Variants in TYW1B observed in about 807,000 individuals in gnomAD.
TYW1B encodes the protein S-adenosyl-L-methionine-dependent tRNA 4-demethylwyosine synthase TYW1B.
In TYW1B, 73 loss-of-function variants were observed where a neutral mutation model predicts 86.9. The observed-to-expected ratio is 0.84, with a 90% confidence interval of 0.70 to 1.02. TYW1B has a LOEUF of 1.02. Ranked by LOEUF, TYW1B falls within the 50% of genes least tolerant of loss-of-function variation. The pLI is 0.00. For missense variants in TYW1B, 637 were observed against 827.4 expected (o/e 0.77, Z 2.82); for synonymous variants, 248 against 292.8 (o/e 0.85, Z 1.56).
chr7:72,582,414 C>T (rs564636907), intron 13 of TYW1B, among the ~76,000 whole-genome samples: 7 of 152,290 alleles, frequency 4.6e-5, no homozygotes, highest in Non-Finnish European at 8.8e-5. Flanking sequence ...AGCTGAAAGA[C>T]AGTAGGTCCA....
At chr7:72,696,098 C>T (rs1164375467) in intron 10 of TYW1B, among the ~76,000 whole-genome samples, 1 of 152,002 alleles carries the variant, frequency 6.6e-6, no homozygotes, top group African/African-American at 2.4e-5. Context: ...CAGGTGTACC[C>T]TGCCACATCC....
chr7:72,698,624 C>T (rs1371378875), intron 10 of TYW1B, among the ~76,000 whole-genome samples: 4 of 142,312 alleles, frequency 2.8e-5, no homozygotes, highest in Admixed American at 2.2e-4. Context: ...CCAGCCTGGG[C>T]AACAGAGCAA....
chr7:72,582,205 G>A (rs1164785226), intron 13 of TYW1B, among the ~76,000 whole-genome samples: 2 of 151,900 alleles, frequency 1.3e-5, no homozygotes, highest in African/African-American at 4.8e-5. Flanking sequence ...AATAATTCTG[G>A]AAATGTTAAG....
chr7:72,784,994 C>T (rs1428055068), intron 6 of TYW1B, among the ~76,000 whole-genome samples: 2 of 151,968 alleles, frequency 1.3e-5, no homozygotes, highest in East Asian at 1.9e-4. Context: ...ATCCCTACCC[C>T]CCAGTCAACT....
At chr7:72,676,581 G>A (rs1332935066) in intron 11 of TYW1B, among the ~76,000 whole-genome samples, 4 of 152,146 alleles carry the variant, frequency 2.6e-5, no homozygotes, top group Admixed American at 1.3e-4. Flanking sequence ...TGGAAGAGCA[G>A]CAGCCCTGGG....
chr7:72,827,011 T>A (rs1554481565), intron 1 of TYW1B, 26 bp from the exon 2 acceptor site: 1 of 1,587,128 alleles, frequency 6.3e-7, no homozygotes, highest in Non-Finnish European at 8.6e-7. Flanking sequence ...CACACACAGA[T>A]AATTTCATTT....
In TYW1B at chr7:72,682,437, G is replaced by A. The variant is rs1813898554; in HGVS notation, c.1506+12250C>T. On this transcript the variant is annotated intron_variant, in intron 11 of 13. Coordinates refer to ENST00000620995, the MANE Select transcript of TYW1B (RefSeq NM_001145440.3). ...AAACAACTGGGCTAGGAAAGAACCA[G>A]AAAATATACATAAGAATTTTTATAT... Among the ~76,000 whole-genome samples the A allele has an allele frequency of 2.0e-5, 3 of 152,126 alleles. No homozygotes were observed. In the South Asian group the frequency reaches 6.2e-4, roughly 32 times the overall value.
chr7:72,671,278 G>T (rs1442831504), intron 11 of TYW1B, among the ~76,000 whole-genome samples: 8 of 152,066 alleles, frequency 5.3e-5, no homozygotes, highest in Non-Finnish European at 7.4e-5. Flanking sequence ...CTCAGAAAAG[G>T]TACAAGGAAG....
In TYW1B at chr7:72,744,518, A is replaced by C. The variant is rs782291559; in HGVS notation, c.1048T>G (p.Leu350Val). ...AAGACACATTTATTAGCACACGCCA[A>C]GCTCGGGGTGGTTTCCATGCAGCGA... Reference protein sequence around the residue: ...SHRCMETTPSLACANKCVFCW... With the variant: ...SHRCMETTPSVACANKCVFCW... The change falls in exon 8 of 14, where the codon TTG (leucine) becomes GTG (valine). Residue 350 changes from leucine (L) to valine (V), a missense_variant. Physicochemically the swap from Leu to Val is conservative, Grantham distance 32. Transcript: ENST00000620995. The C allele has an allele frequency of 6.3e-7, 1 of 1,598,292 alleles. No individual in the cohort carries two copies. The highest frequency in any genetic ancestry group is 1.4e-5 in the African/African-American group (1 of 70,026).
intron 8 of TYW1B, among the ~76,000 whole-genome samples, chr7:72,740,190 A>G (rs1248346298): frequency 6.6e-6 from 1 of 151,696 alleles, no homozygotes; most frequent in African/African-American, 2.4e-5. Flanking sequence ...CCGAGATTGC[A>G]CCACTGCACT....
intron 11 of TYW1B, among the ~76,000 whole-genome samples, chr7:72,647,542 C>T (rs1418497025): frequency 3.9e-5 from 6 of 152,160 alleles, no homozygotes; most frequent in African/African-American, 1.4e-4. Flanking sequence ...GAACAATGGT[C>T]ACGAAACCCA....
At chr7:72,654,204 A>T (rs185241609) in intron 11 of TYW1B, among the ~76,000 whole-genome samples, 6 of 152,316 alleles carry the variant, frequency 3.9e-5, no homozygotes, top group Non-Finnish European at 8.8e-5. Context: ...AAGAAACTGC[A>T]TACTTTCCCC....
chr7:72,700,155 C>CTTTTT lies in TYW1B; in HGVS notation c.1371-5338_1371-5334dup, dbSNP rs587689485. Among the ~76,000 whole-genome samples, 73 of 74,256 alleles carry CTTTTT rather than the reference C, an allele frequency of 9.8e-4. 1 individual carries two copies. Among genetic ancestry groups the CTTTTT allele is most frequent in the East Asian group, 3.1e-3 (5 of 1,588 alleles). The allele number at this position is 74,256 out of a possible 152,430, so 48.7% of individuals were successfully genotyped here. On this transcript the variant is annotated intron_variant, in intron 10 of 13. Transcript: ENST00000620995. ...TATCAATACATAAAGAGCTTTTACA[C>CTTTTT]TTTTTTTTTTTTTTTTTTTTTTTTT... is the stretch of plus-strand genomic sequence containing the variant.
chr7:72,631,118 G>A (rs1473693764), intron 11 of TYW1B, among the ~76,000 whole-genome samples: 9 of 150,378 alleles, frequency 6.0e-5, no homozygotes, highest in Admixed American at 1.3e-4. Flanking sequence ...CAAATCAAAC[G>A]CCATTTGGTA....
At chr7:72,703,354 T>C (rs1245280241) in intron 10 of TYW1B, among the ~76,000 whole-genome samples, 1 of 152,008 alleles carries the variant, frequency 6.6e-6, no homozygotes, top group East Asian at 1.9e-4. Context: ...CCACTGTAAC[T>C]TCTTTTTGAC....
intron 13 of TYW1B, among the ~76,000 whole-genome samples, chr7:72,603,058 C>T (rs1554434099): frequency 6.6e-6 from 1 of 152,090 alleles, no homozygotes; most frequent in African/African-American, 2.4e-5. Flanking sequence ...GACAGACAGG[C>T]AAGCAGGCAG....
In TYW1B at chr7:72,626,027, C is replaced by A. The variant is rs1424776165; in HGVS notation, c.1617+2860G>T. Among the ~76,000 whole-genome samples the A allele has an allele frequency of 3.3e-5, 5 of 151,958 alleles. No homozygotes were observed. In the East Asian group the frequency reaches 7.7e-4, roughly 24 times the overall value. The stretch of plus-strand genomic sequence containing the variant: ...AATAGCTAAATCATAAATTAAAACA[C>A]CACTAATCTCTGATGTTGGCAAGGT... On this transcript the variant is annotated intron_variant, in intron 12 of 13. Coordinates refer to ENST00000620995, the MANE Select transcript of TYW1B (RefSeq NM_001145440.3).
intron 11 of TYW1B, among the ~76,000 whole-genome samples, chr7:72,685,281 A>ATAGC (rs782711975): frequency 2.5e-4 from 38 of 152,194 alleles, no homozygotes; most frequent in Non-Finnish European, 4.1e-4. Context: ...TAATATGCTA[A>ATAGC]GAAAGGAGAG....
At chr7:72,652,191 A>G (rs1173049604) in intron 11 of TYW1B, among the ~76,000 whole-genome samples, 2 of 151,844 alleles carry the variant, frequency 1.3e-5, no homozygotes, top group Non-Finnish European at 2.9e-5. Flanking sequence ...TCTGGCTAAC[A>G]CAGTGAAACC....
Sources: allele counts gnomAD v4.1 joint callset (sites outside exome capture counted in the v4.1 genomes callset), GRCh38; gene constraint gnomAD v4.1.1; transcripts MANE v1.5; gene names NCBI Gene and HGNC (gene_info 2026-07-23, HGNC 2026-07-21).